Variants in PCDH11X observed in about 807,000 individuals in gnomAD.
The protein encoded by PCDH11X is protocadherin-11 X-linked.
In PCDH11X, 18 loss-of-function variants were observed where a neutral mutation model predicts 53.3. That is an observed-to-expected ratio of 0.34 (90% CI 0.23 to 0.50). The LOEUF (loss-of-function observed/expected upper bound fraction) is 0.50, where lower values mean the gene tolerates loss of function less well. PCDH11X is among the 20% of genes least tolerant of loss of function. The pLI is 0.98. For missense variants in PCDH11X, 570 were observed against 1,032.4 expected (o/e 0.55, Z 6.14); for synonymous variants, 279 against 393.3 (o/e 0.71, Z 3.44).
At position 92,102,349 on chromosome X, in the gene PCDH11X, A is replaced by G. The variant is rs954025231; in HGVS notation, c.3034-99026A>G. Among the ~76,000 whole-genome samples, 12 of 111,516 alleles carry G rather than the reference A, an allele frequency of 1.1e-4. No homozygotes were observed. In the Admixed American group the frequency reaches 1.1e-3, roughly 11 times the overall value. On this transcript the variant is annotated intron_variant, in intron 6 of 10. Transcript: ENST00000682573. ...GCCTCTGTACGCAGACCTGAGGGCT[A>G]GGCTAAAACAGTAAGGTCAAGTTGT...
intron 4 of PCDH11X, among the ~76,000 whole-genome samples, chrX:91,824,244 C>T (rs1397636569): frequency 1.8e-5 from 2 of 111,227 alleles, no homozygotes; most frequent in African/African-American, 6.6e-5. Flanking sequence ...TGGGGAAGTT[C>T]TCCTGGATAA....
chrX:92,003,716 T>C (rs1453196525), intron 6 of PCDH11X, among the ~76,000 whole-genome samples: 7 of 101,416 alleles, frequency 6.9e-5, no homozygotes, highest in Non-Finnish European at 4.0e-5. Context: ...TCCTTTGAAT[T>C]TCTGCAGTAT....
At chrX:91,936,733 T>A (rs1251358555) in intron 6 of PCDH11X, among the ~76,000 whole-genome samples, 8 of 107,099 alleles carry the variant, frequency 7.5e-5, no homozygotes, top group Non-Finnish European at 5.8e-5. Context: ...ATTTATATGA[T>A]TTTAGCATGA....
chrX:92,522,938 T>C (rs1300336760), intron 10 of PCDH11X, among the ~76,000 whole-genome samples: 1 of 110,991 alleles, frequency 9.0e-6, no homozygotes, highest in Admixed American at 9.6e-5. Context: ...TATCCAAGAG[T>C]TATTCTCAGC....
At position 92,204,484 on chromosome X, in the gene PCDH11X, A is replaced by G. The variant is rs775656467; in HGVS notation, c.3114+3029A>G. On this transcript the variant is annotated intron_variant, in intron 7 of 10. Transcript: ENST00000682573. Reference sequence around the variant, plus strand: ...AAGAGTGACCTTTACTCCAGTTTCCAACAAGTTCCTCATCTCCATCTGAGA... The same window carrying G: ...AAGAGTGACCTTTACTCCAGTTTCCGACAAGTTCCTCATCTCCATCTGAGA... Among the ~76,000 whole-genome samples, 5 of 111,875 alleles carry G rather than the reference A, an allele frequency of 4.5e-5. No individual in the cohort carries two copies. The South Asian group carries it at 1.9e-3, about 42-fold the overall frequency.
intron 9 of PCDH11X, among the ~76,000 whole-genome samples, chrX:92,441,552 C>G (rs2072516145): frequency 8.9e-6 from 1 of 112,237 alleles, no homozygotes; most frequent in Non-Finnish European, 1.9e-5. Context: ...GGTGCAATCC[C>G]CAAGCCTTGG....
rs776343884 is a variant in PCDH11X, at chrX:92,163,336, C to A, written c.3034-38039C>A. 8.3e-5 allele frequency among the ~76,000 whole-genome samples: 9 copies of A among 108,988 alleles called. No homozygotes were observed. The South Asian group carries it at 3.8e-3, about 46-fold the overall frequency. 94.6% of individuals were successfully genotyped at this position (108,988 alleles called of 115,157 possible). A position where few individuals can be genotyped will look rare whatever the true frequency, so the allele number is the denominator to read the frequency against. Reference sequence around the variant, plus strand: ...TTCTGCATACCAGATTCACGCCCTACCCTGAGTTCTGGCCAGGAGACTTCG... The same window carrying A: ...TTCTGCATACCAGATTCACGCCCTAACCTGAGTTCTGGCCAGGAGACTTCG... On this transcript the variant is annotated intron_variant, in intron 6 of 10. Coordinates refer to ENST00000682573, the MANE Select transcript of PCDH11X (RefSeq NM_032968.5).
chrX:91,904,884 G>A (rs929508801), intron 6 of PCDH11X, among the ~76,000 whole-genome samples: 21 of 109,835 alleles, frequency 1.9e-4, no homozygotes, highest in African/African-American at 6.6e-4. Context: ...AGAAACACTG[G>A]AGGCAATTCC....
At chrX:92,273,384 G>A (rs915061450) in intron 8 of PCDH11X, among the ~76,000 whole-genome samples, 11 of 111,318 alleles carry the variant, frequency 9.9e-5, no homozygotes, top group Non-Finnish European at 1.9e-5. Context: ...CACAATGGTG[G>A]AATGTCATCA....
chrX:92,338,063 G>T (rs1487689278), intron 8 of PCDH11X, among the ~76,000 whole-genome samples: 1 of 111,283 alleles, frequency 9.0e-6, no homozygotes, highest in Non-Finnish European at 1.9e-5. Flanking sequence ...GATGGTTAAT[G>T]CTTTAAATAT....
intron 6 of PCDH11X, among the ~76,000 whole-genome samples, chrX:92,094,862 G>A (rs752630586): frequency 1.5e-4 from 17 of 111,512 alleles, no homozygotes. Context: ...AATATCTAGA[G>A]GTTTAGAAAA....
intron 6 of PCDH11X, among the ~76,000 whole-genome samples, chrX:91,880,444 G>C (rs755621941): frequency 9.0e-6 from 1 of 111,323 alleles, no homozygotes; most frequent in African/African-American, 3.3e-5. Context: ...ATTAAAGAAG[G>C]CTACTGCATT....
intron 6 of PCDH11X, among the ~76,000 whole-genome samples, chrX:91,896,992 C>T (rs1940776513): frequency 1.0e-5 from 1 of 97,153 alleles, no homozygotes; most frequent in Non-Finnish European, 2.0e-5. Context: ...GGCAGATAAT[C>T]TTGTATATGA....
chrX:92,240,539 G>T (rs1293141160), intron 7 of PCDH11X, among the ~76,000 whole-genome samples: 2 of 111,494 alleles, frequency 1.8e-5, no homozygotes, highest in East Asian at 5.6e-4. Flanking sequence ...AGTACAGGGG[G>T]TTATACAAGA....
chrX:92,540,679 T>G (rs888508802), intron 10 of PCDH11X, among the ~76,000 whole-genome samples: 1 of 106,635 alleles, frequency 9.4e-6, no homozygotes, highest in African/African-American at 3.4e-5. Flanking sequence ...ACACTTGAAG[T>G]CAGTACATCT....
intron 6 of PCDH11X, among the ~76,000 whole-genome samples, chrX:92,120,910 C>T (rs2064748819): frequency 9.0e-6 from 1 of 111,246 alleles, no homozygotes. Context: ...GTCTTTTCTA[C>T]TAATAATAAT....
chrX:92,447,734 C>T (rs757239907), intron 9 of PCDH11X, among the ~76,000 whole-genome samples: 1 of 112,602 alleles, frequency 8.9e-6, no homozygotes, highest in South Asian at 3.7e-4. Context: ...GAAAAGAGGG[C>T]CACTGTCCCT....
chrX:92,379,393 C>T (rs968313355), intron 8 of PCDH11X, among the ~76,000 whole-genome samples: 4 of 112,715 alleles, frequency 3.5e-5, no homozygotes. Flanking sequence ...CTGCCTCAGC[C>T]CCCTCCAGAC....
At chrX:91,846,484 C>T (rs1185536468) in intron 5 of PCDH11X, among the ~76,000 whole-genome samples, 1 of 109,152 alleles carries the variant, frequency 9.2e-6, no homozygotes. Context: ...CGGGCGTGGT[C>T]GCGGGCTCCT....
Sources: allele counts gnomAD v4.1 joint callset (sites outside exome capture counted in the v4.1 genomes callset), GRCh38; gene constraint gnomAD v4.1.1; transcripts MANE v1.5; gene names NCBI Gene and HGNC (gene_info 2026-07-23, HGNC 2026-07-21).